The following YTHDF2 variants were observed in gnomAD, a reference collection of about 807,000 sequenced individuals.
The protein encoded by YTHDF2 is YTH domain-containing family protein 2.
Under a neutral mutation model 50.4 loss-of-function variants are expected in YTHDF2, and 2 were observed. The ratio of observed to expected loss-of-function variants is 0.04; its 90% CI spans 0.02 to 0.12. The LOEUF is 0.12. YTHDF2 is among the 10% of genes least tolerant of loss of function. The pLI is 1.00. For synonymous variants in YTHDF2, 217 were observed against 255.6 expected, an observed-to-expected ratio of 0.85 and a Z score of 1.44; for missense variants, 483 against 722.6, an observed-to-expected ratio of 0.67 and a Z score of 3.80.
chr1:28,737,165 A>G lies in YTHDF2; in HGVS notation c.27+18A>G. On this transcript the variant is annotated intron_variant, in intron 1 of 4. Transcript: ENST00000373812. Reference sequence around the variant, plus strand: ...TGGAGCAGGTACAGGCCCGGCCCGCATGCCTCGGCCATTGTGTGAGGCGAG... The same window carrying G: ...TGGAGCAGGTACAGGCCCGGCCCGCGTGCCTCGGCCATTGTGTGAGGCGAG... 3 of 1,579,442 alleles carry G rather than the reference A, an allele frequency of 1.9e-6. No homozygotes were observed. The highest frequency in any genetic ancestry group is 2.3e-5 in the East Asian group (1 of 42,646).
At chr1:28,763,482 A>T (rs1180249434) in intron 4 of YTHDF2, among the ~76,000 whole-genome samples, 1 of 150,840 alleles carries the variant, frequency 6.6e-6, no homozygotes, top group East Asian at 1.9e-4. Flanking sequence ...TTGAGATGGA[A>T]TCTCCCTCTG....
In YTHDF2 at chr1:28,769,457, A is replaced by G. The variant is rs1472142415; in HGVS notation, c.*505A>G. 6.5e-6 allele frequency: 1 copy of G among 152,992 alleles called. No individual in the cohort carries two copies. The highest frequency in any genetic ancestry group is 1.5e-5 in the Non-Finnish European group (1 of 68,312). The allele number at this position is 152,992 out of a possible 1,614,324, so 9.5% of individuals were successfully genotyped here. On this transcript the variant is annotated 3_prime_UTR_variant, in exon 5 of 5. Transcript: ENST00000373812. ...ATGAAGAATTTTTGTCTAGGAGAATATAACAGTGTTACCCAAGGTTGTGTC... is the reference window on the plus strand; with the variant it reads ...ATGAAGAATTTTTGTCTAGGAGAATGTAACAGTGTTACCCAAGGTTGTGTC...
At chr1:28,749,901 A>G (rs573821563) in intron 4 of YTHDF2, among the ~76,000 whole-genome samples, 1 of 150,664 alleles carries the variant, frequency 6.6e-6, no homozygotes. Context: ...AAAAAAAGTC[A>G]TTGGTATTAA....
At chr1:28,753,941 A>T (rs1487680289) in intron 4 of YTHDF2, among the ~76,000 whole-genome samples, 1 of 152,072 alleles carries the variant, frequency 6.6e-6, no homozygotes, top group Non-Finnish European at 1.5e-5. Context: ...TCCTGACCTC[A>T]GGTGATCTGC....
Position 28,766,672 on chromosome 1 carries a change from T to A in YTHDF2, c.1717-2257T>A, listed in dbSNP as rs533151575. ...AAACTGTCTCCTTTTAATTCTAGCA[T>A]TGATAATTCTTGCTTGATTCAGGTA... is the stretch of plus-strand genomic sequence containing the variant. On this transcript the variant is annotated intron_variant, in intron 4 of 4. Transcript: ENST00000373812. Among the ~76,000 whole-genome samples the A allele has an allele frequency of 2.1e-4, 32 of 152,248 alleles. No individual in the cohort carries two copies. The South Asian group carries it at 6.6e-3, about 32-fold the overall frequency.
chr1:28,745,715 T>TC (rs2087847349), intron 4 of YTHDF2, among the ~76,000 whole-genome samples: 31 of 51,758 alleles, frequency 6.0e-4, no homozygotes, highest in African/African-American at 8.7e-4. Flanking sequence ...TAAACTCCCA[T>TC]CTCCCCCCGC....
At chr1:28,759,737 C>T (rs1024786187) in intron 4 of YTHDF2, among the ~76,000 whole-genome samples, 15 of 152,266 alleles carry the variant, frequency 9.9e-5, no homozygotes, top group African/African-American at 2.9e-4. Flanking sequence ...GGGTGGATTA[C>T]GTGAGGCCAG....
Position 28,743,299 on chromosome 1 carries a change from A to T in YTHDF2, c.1029A>T (p.Gln343His). The change falls in exon 4 of 5, where the codon CAA (glutamine) becomes CAT (histidine). Residue 343 changes from glutamine to histidine, a missense_variant. Physicochemically the swap from Gln to His is conservative, Grantham distance 24. Coordinates refer to ENST00000373812, the MANE Select transcript of YTHDF2 (RefSeq NM_016258.3). The surrounding 1 kb of genome is among the most constrained non-coding windows in gnomAD (Gnocchi z 6.9). ...PPQPAQLSVQ[Q>H]QAAQPTRWVA... ...AGCCTGCCCAGCTTTCAGTCCAGCA[A>T]CAGGCAGCTCAGCCAACCCGCTGGG... 6.2e-7 allele frequency: 1 copy of T among 1,614,164 alleles called. No individual in the cohort carries two copies. Among genetic ancestry groups the T allele is most frequent in the Non-Finnish European group, 8.5e-7 (1 of 1,180,026 alleles).
chr1:28,765,916 A>G (rs1184330068), intron 4 of YTHDF2, among the ~76,000 whole-genome samples: 1 of 152,240 alleles, frequency 6.6e-6, no homozygotes, highest in African/African-American at 2.4e-5. Context: ...AAGAACAAAG[A>G]CATGCAGTTA....
At chr1:28,752,818 G>A (rs1199643618) in intron 4 of YTHDF2, among the ~76,000 whole-genome samples, 1 of 151,972 alleles carries the variant, frequency 6.6e-6, no homozygotes, top group East Asian at 1.9e-4. Context: ...TGAGGTGGGA[G>A]GATTGCCTGA....
intron 4 of YTHDF2, among the ~76,000 whole-genome samples, chr1:28,753,978 A>G (rs999109207): frequency 6.6e-6 from 1 of 152,058 alleles, no homozygotes; most frequent in Admixed American, 6.6e-5. Flanking sequence ...AAGTGCTGGG[A>G]TCACAGGTGT....
At chr1:28,750,147 T>A (rs1235779493) in intron 4 of YTHDF2, among the ~76,000 whole-genome samples, 1 of 151,874 alleles carries the variant, frequency 6.6e-6, no homozygotes, top group Non-Finnish European at 1.5e-5. Flanking sequence ...GCTACCACCA[T>A]GCCCGGCTAA....
At chr1:28,764,527 C>A (rs1410806414) in intron 4 of YTHDF2, among the ~76,000 whole-genome samples, 1 of 152,064 alleles carries the variant, frequency 6.6e-6, no homozygotes, top group Non-Finnish European at 1.5e-5. Flanking sequence ...CCCACCTCGG[C>A]CTCTCAAAGT....
At chr1:28,753,406 G>T (rs959088608) in intron 4 of YTHDF2, among the ~76,000 whole-genome samples, 1 of 115,598 alleles carries the variant, frequency 8.7e-6, no homozygotes, top group African/African-American at 2.9e-5. Flanking sequence ...AAATCAGCCA[G>T]GTGTGATGAG....
chr1:28,757,583 C>T (rs1241117606), intron 4 of YTHDF2, among the ~76,000 whole-genome samples: 1 of 92,660 alleles, frequency 1.1e-5, no homozygotes, highest in Non-Finnish European at 2.2e-5. Flanking sequence ...CTTAAAAGCT[C>T]TTCATGTGAG....
chr1:28,756,299 A>G (rs566494001), intron 4 of YTHDF2, among the ~76,000 whole-genome samples: 19 of 152,218 alleles, frequency 1.2e-4, no homozygotes, highest in African/African-American at 2.4e-4. Context: ...GAGGACTGCT[A>G]TTTTTCCATG....
chr1:28,750,966 G>A (rs1010182279), intron 4 of YTHDF2, among the ~76,000 whole-genome samples: 1 of 151,628 alleles, frequency 6.6e-6, no homozygotes, highest in African/African-American at 2.4e-5. Flanking sequence ...GGTGGCTCGT[G>A]CCTGTAATAC....
chr1:28,759,981 CATTTTTAACATCTTTTTAAAAACTAT>C (rs1208337886), intron 4 of YTHDF2, among the ~76,000 whole-genome samples: 1 of 152,098 alleles, frequency 6.6e-6, no homozygotes, highest in African/African-American at 2.4e-5. Context: ...CAAAAACTTA[CATTTTTAACATCTTTTTAAAAACTAT>C]GGCAAACACA....
intron 2 of YTHDF2, 35 bp downstream of exon 2, chr1:28,737,717 A>AGGGGGACGCGGGGCGGT: frequency 6.9e-7 from 1 of 1,442,522 alleles, no homozygotes; most frequent in South Asian, 1.1e-5. Flanking sequence ...CTGAGCCGGG[A>AGGGGGACGCGGGGCGGT]GGGGGACGCG....
Sources: allele counts gnomAD v4.1 joint callset (sites outside exome capture counted in the v4.1 genomes callset), GRCh38; gene constraint gnomAD v4.1.1; non-coding constraint Gnocchi (gnomAD v3.1); transcripts MANE v1.5; gene names NCBI Gene and HGNC (gene_info 2026-07-23, HGNC 2026-07-21).